TPPP: variants seen among roughly 807,000 people sequenced by gnomAD.
The protein encoded by TPPP is tubulin polymerization-promoting protein.
In TPPP, 6 loss-of-function variants were observed where a neutral mutation model predicts 15.5. The ratio of observed to expected loss-of-function variants is 0.39; its 90% confidence interval spans 0.21 to 0.77. The LOEUF (loss-of-function observed/expected upper bound fraction) is 0.77. Ranked by LOEUF, TPPP falls within the 30% of genes least tolerant of loss-of-function variation. The pLI is 0.42. For missense variants in TPPP, 269 were observed against 307.2 expected (o/e 0.88, Z 0.93); for synonymous variants, 146 against 133.9 (o/e 1.09, Z -0.63).
rs779718455 is a variant in TPPP, at chr5:665,282, C to G, written c.480G>C (p.Ser160=). Reference sequence around the variant, plus strand: ...TGTCCGTGAGCCTCGACACTGTGGGCGACGAGATGGCTTTCTGCAAGAGGA... The same window carrying G: ...TGTCCGTGAGCCTCGACACTGTGGGGGACGAGATGGCTTTCTGCAAGAGGA... ...IISGVTKAIS[S]PTVSRLTDTT... Residue 160 remains serine (S), a synonymous_variant, in exon 4 of 4, where the codon TCG becomes TCC. Coordinates refer to ENST00000360578, the MANE Select transcript of TPPP (RefSeq NM_007030.3). 16 of 1,612,880 alleles carry G rather than the reference C, an allele frequency of 9.9e-6. No individual in the cohort carries two copies. The highest frequency in any genetic ancestry group is 1.4e-5 in the Non-Finnish European group (16 of 1,179,708).
rs58980952 is a variant in TPPP, at chr5:668,098, A to G, written c.312-1975T>C. Among the ~76,000 whole-genome samples, 41 of 68,448 alleles carry G rather than the reference A, an allele frequency of 6.0e-4. 6 individuals carry two copies. The highest frequency in any genetic ancestry group is 7.5e-4 in the African/African-American group (7 of 9,292). 44.9% of individuals were successfully genotyped at this position (68,448 alleles called of 152,430 possible). ...CTGGAGAGGGGTCCGCGTGGGCCCC[A>G]TCAGGGAAGTACCGACAAGCACACG... is the stretch of plus-strand genomic sequence containing the variant. On this transcript the variant is annotated intron_variant, in intron 2 of 3. Transcript: ENST00000360578.
intron 1 of TPPP, among the ~76,000 whole-genome samples, chr5:682,811 G>A (rs55957764): frequency 0.22 from 33,711 of 151,768 alleles, 8,061 homozygotes; most frequent in African/African-American, 0.61. Flanking sequence ...GCTGTGGGGT[G>A]GCTGAGCCTT....
chr5:675,701 G>C (rs537243265), intron 2 of TPPP: 1 of 154,704 alleles, frequency 6.5e-6, no homozygotes, highest in Non-Finnish European at 1.4e-5. Flanking sequence ...TGGTCCCCTT[G>C]CTCTGGCAGG....
intron 1 of TPPP, among the ~76,000 whole-genome samples, chr5:688,768 C>G (rs374625605): frequency 8.0e-6 from 1 of 124,836 alleles, no homozygotes; most frequent in African/African-American, 2.8e-5. Context: ...GAGGTGCCAC[C>G]CCGCCGAGGG....
chr5:671,172 TCTCC>T (rs986954731), intron 2 of TPPP, among the ~76,000 whole-genome samples: 45 of 151,336 alleles, frequency 3.0e-4, no homozygotes, highest in African/African-American at 1.1e-3. Context: ...CAGCGCACTG[TCTCC>T]CTCTGGGCGC....
intron 2 of TPPP, among the ~76,000 whole-genome samples, chr5:672,438 G>A (rs1036575305): frequency 3.3e-5 from 5 of 152,272 alleles, no homozygotes; most frequent in Admixed American, 1.3e-4. Flanking sequence ...GCACACAAGC[G>A]TGGGTCCTGG....
Position 667,943 on chromosome 5 carries a change from T to C in TPPP, c.312-1820A>G, listed in dbSNP as rs60805661. Among the ~76,000 whole-genome samples the C allele has an allele frequency of 7.6e-4, 29 of 38,030 alleles. 2 individuals are homozygous for C. The highest frequency in any genetic ancestry group is 2.9e-3 in the African/African-American group (8 of 2,782). The allele number at this position is 38,030 out of a possible 152,430, so 24.9% of individuals were successfully genotyped here. A position where few individuals can be genotyped will look rare whatever the true frequency, so the allele number is the denominator to read the frequency against. ...CGACAAGCACACAGAGAGGGGGCCG[T>C]GTGGGCGCCGTCAGGGAAGTGCGGA... On this transcript the variant is annotated intron_variant, in intron 2 of 3. Coordinates refer to ENST00000360578, the MANE Select transcript of TPPP (RefSeq NM_007030.3).
chr5:700,351 C>T, the TPPP span, among the ~76,000 whole-genome samples: 1 of 151,924 alleles, frequency 6.6e-6, no homozygotes, highest in Non-Finnish European at 1.5e-5. Flanking sequence ...AGTCAAATAC[C>T]ACATGTTCTC....
At chr5:672,799 CTT>C (rs1323594199) in intron 2 of TPPP, among the ~76,000 whole-genome samples, 2 of 152,400 alleles carry the variant, frequency 1.3e-5, no homozygotes, top group East Asian at 3.9e-4. Flanking sequence ...ACCGCACGCT[CTT>C]TGCAGGAGGG....
At chr5:682,627 C>T (rs374433063) in intron 1 of TPPP, among the ~76,000 whole-genome samples, 14 of 75,588 alleles carry the variant, frequency 1.9e-4, no homozygotes, top group African/African-American at 5.7e-4. Flanking sequence ...CTGTCACTAG[C>T]GCCAGGGGTC....
intron 2 of TPPP, among the ~76,000 whole-genome samples, chr5:666,459 C>G (rs534295841): frequency 2.6e-5 from 4 of 152,220 alleles, no homozygotes; most frequent in African/African-American, 4.8e-5. Flanking sequence ...CCAGCTGCGC[C>G]GGGAGCTGGG....
At chr5:676,747 A>G (rs1740446156) in intron 2 of TPPP, 1 of 152,258 alleles carries the variant, frequency 6.6e-6, no homozygotes, top group African/African-American at 2.4e-5. Context: ...GAGAAAACAG[A>G]CAATGCGTGA....
Position 677,966 on chromosome 5 carries a change from G to T in TPPP, c.95C>A (p.Ser32Ter). Residue 32 changes from serine (S) to a stop codon, truncating the protein, a stop_gained, in exon 2 of 4, where the codon TCG becomes TAG. Transcript: ENST00000360578. LOFTEE classifies it high-confidence loss of function. ...CTCACCAGCACCCTCCGATTCCAGCGACAGCCTCTTGGCTGCCCGGTCCTT... is the reference window on the plus strand; with the variant it reads ...CTCACCAGCACCCTCCGATTCCAGCTACAGCCTCTTGGCTGCCCGGTCCTT... ...PSKDRAAKRL[S>*]LESEGAGEGA... 1 of 1,610,964 alleles carries T rather than the reference G, an allele frequency of 6.2e-7. No homozygotes were observed. Among genetic ancestry groups the T allele is most frequent in the Non-Finnish European group, 8.5e-7 (1 of 1,179,116 alleles).
chr5:677,741 C>T lies in TPPP; in HGVS notation c.311+9G>A, dbSNP rs538508033. ...CAGGTCCCTCGGCCCGTGAGCCCAG[C>T]GCACTCACTTGATCTTGCTGAAGAC... On this transcript the variant is annotated intron_variant, in intron 2 of 3. Transcript: ENST00000360578. 2.0e-5 allele frequency: 31 copies of T among 1,544,348 alleles called. No individual in the cohort carries two copies. Among genetic ancestry groups the T allele is most frequent in the South Asian group, 1.5e-4 (12 of 81,284 alleles).
intron 2 of TPPP, chr5:676,437 G>A (rs1219711692): frequency 6.6e-6 from 1 of 152,254 alleles, no homozygotes; most frequent in Non-Finnish European, 1.5e-5. Flanking sequence ...TTCCACACAG[G>A]GGCATCTGAC....
upstream of TPPP, among the ~76,000 whole-genome samples, chr5:698,087 G>C (rs1405715258): frequency 5.4e-5 from 8 of 147,634 alleles, no homozygotes; most frequent in Non-Finnish European, 1.0e-4. Context: ...AATAGATGCA[G>C]AAAAAGCATT....
intron 2 of TPPP, among the ~76,000 whole-genome samples, chr5:677,037 G>A (rs72707041): frequency 0.12 from 17,801 of 150,238 alleles, 1,259 homozygotes; most frequent in South Asian, 0.18. Flanking sequence ...CACACACGAC[G>A]CGGAAACGCA....
intron 1 of TPPP, 74 bp downstream of exon 1, chr5:693,204 G>T (rs1740939541): frequency 7.0e-6 from 1 of 142,280 alleles, no homozygotes; most frequent in African/African-American, 2.5e-5. Flanking sequence ...GGCTGCTGGG[G>T]CTGACGGGCC....
In TPPP at chr5:673,469, G is replaced by A. The variant is rs900766684; in HGVS notation, c.311+4281C>T. On this transcript the variant is annotated intron_variant, in intron 2 of 3. Coordinates refer to ENST00000360578, the MANE Select transcript of TPPP (RefSeq NM_007030.3). Reference sequence around the variant, plus strand: ...ATGGCTGCAGGTGAATGGGGAGGGGGGGAGGTCAGAATCCCTTGGCCTCCC... The same window carrying A: ...ATGGCTGCAGGTGAATGGGGAGGGGAGGAGGTCAGAATCCCTTGGCCTCCC... 3.9e-5 allele frequency among the ~76,000 whole-genome samples: 6 copies of A among 152,040 alleles called. No individual in the cohort carries two copies. In the East Asian group the frequency reaches 5.8e-4, roughly 15 times the overall value.
Sources: allele counts gnomAD v4.1 joint callset (sites outside exome capture counted in the v4.1 genomes callset), GRCh38; gene constraint gnomAD v4.1.1; transcripts MANE v1.5; gene names NCBI Gene and HGNC (gene_info 2026-07-23, HGNC 2026-07-21).